Variants in RNF126 observed in about 807,000 individuals in gnomAD.
RNF126 encodes the protein E3 ubiquitin-protein ligase RNF126.
A neutral mutation model predicts 41.9 loss-of-function variants in RNF126; 20 were observed. The ratio of observed to expected loss-of-function variants is 0.48; its 90% CI spans 0.34 to 0.69. RNF126 has a LOEUF of 0.69. RNF126 is among the 30% of genes least tolerant of loss of function. The pLI is 0.01. For synonymous variants in RNF126, 239 were observed against 202.9 expected (o/e 1.18, Z -1.51); for missense variants, 433 against 460.6 (o/e 0.94, Z 0.55).
In RNF126 at chr19:652,606, G is replaced by A. The variant is rs141130751; in HGVS notation, c.134+220C>T. On this transcript the variant is annotated intron_variant, in intron 2 of 8. Transcript: ENST00000292363. ...GCCGCCGAGGCTGAGGGAGGTGAGC[G>A]GCTGCACAGGTTGCCGGCACTCCCC... The A allele has an allele frequency of 1.6e-3, 974 of 609,938 alleles. 3 individuals are homozygous for A. The highest frequency in any genetic ancestry group is 1.4e-3 in the Non-Finnish European group (490 of 345,540). The allele number at this position is 609,938 out of a possible 1,614,324, so 37.8% of individuals were successfully genotyped here. A position where few individuals can be genotyped will look rare whatever the true frequency, so the allele number is the denominator to read the frequency against.
In RNF126 at chr19:648,394, C is replaced by T. The variant is rs2030081224; in HGVS notation, c.764G>A (p.Cys255Tyr). 1.3e-6 allele frequency: 2 copies of T among 1,562,822 alleles called. No homozygotes were observed. Among genetic ancestry groups the T allele is most frequent in the Admixed American group, 1.8e-5 (1 of 54,674 alleles). Residue 255 changes from cysteine (C) to tyrosine (Y), a missense_variant, in exon 8 of 9, where the codon TGC becomes TAC. Around this residue, in one of 5 missense-constraint regions of RNF126, gnomAD observed 97 missense variants for 121.7 expected, o/e 0.80. Transcript: ENST00000292363. The stretch of plus-strand genomic sequence containing the variant: ...CACCTGCTCCAGCCAGGGCACGATG[C>T]AGCCGTCGTGGAACAGGTGGTTGCA... Reference protein sequence around the residue: ...LPCNHLFHDGCIVPWLEQHDS... With the variant: ...LPCNHLFHDGYIVPWLEQHDS...
At chr19:649,135 A>ACGCGGCCCCCC (rs2030128942) in intron 6 of RNF126, 160 bp from the exon 7 acceptor site, 1 of 300,618 alleles carries the variant, frequency 3.3e-6, no homozygotes, top group Admixed American at 5.0e-5. Flanking sequence ...TGTGGAGCCC[A>ACGCGGCCCCCC]CGCGGCCCCC....
In RNF126 at chr19:648,352, C is replaced by CGGGG; in HGVS notation, c.786+19_786+20insCCCC. On this transcript the variant is annotated intron_variant, in intron 8 of 8. Coordinates refer to ENST00000292363, the MANE Select transcript of RNF126 (RefSeq NM_194460.3). ...GAGGGCCGCGGTCGGGGTGGGGGGG[C>CGGGG]GGGTGGGCGGGGCACTCACCTGCTC... 1.9e-6 allele frequency: 2 copies of CGGGG among 1,025,996 alleles called. No individual in the cohort carries two copies. The highest frequency in any genetic ancestry group is 2.4e-6 in the Non-Finnish European group (2 of 821,770). 63.6% of individuals were successfully genotyped at this position (1,025,996 alleles called of 1,614,324 possible).
In RNF126 at chr19:648,143, G is replaced by C. The variant is rs2030053379; in HGVS notation, c.921C>G (p.Ala307=). 1 of 1,594,936 alleles carries C rather than the reference G, an allele frequency of 6.3e-7. No homozygotes were observed. Among genetic ancestry groups the C allele is most frequent in the African/African-American group, 1.3e-5 (1 of 74,742 alleles). ...CGACGTGGGCTCACGAGTTGCTTGT[G>C]GCGTTCTCGTTGCTGGGCGAGCTGG... is the stretch of plus-strand genomic sequence containing the variant. ...SSSSSPSNEN[A]TSNS The change falls in exon 9 of 9, where the codon GCC becomes GCG. Residue 307 remains alanine (A), a synonymous_variant. Transcript: ENST00000292363.
chr19:649,666 G>A lies in RNF126; in HGVS notation c.576+13C>T. The A allele has an allele frequency of 1.3e-6, 2 of 1,556,260 alleles. No individual in the cohort carries two copies. The highest frequency in any genetic ancestry group is 1.7e-6 in the Non-Finnish European group (2 of 1,148,776). ...TCCCCCAGCAGGCACTCTGGGCCGT[G>A]GCCACGCTGTACCTGTGTGATGATG... On this transcript the variant is annotated intron_variant, in intron 6 of 8. Coordinates refer to ENST00000292363, the MANE Select transcript of RNF126 (RefSeq NM_194460.3).
At position 663,062 on chromosome 19, in the gene RNF126, G is replaced by T; in HGVS notation, c.60C>A (p.Ile20=). The T allele has an allele frequency of 7.3e-7, 1 of 1,377,996 alleles. No homozygotes were observed. The highest frequency in any genetic ancestry group is 9.4e-7 in the Non-Finnish European group (1 of 1,060,872). The allele number at this position is 1,377,996 out of a possible 1,614,324, so 85.4% of individuals were successfully genotyped here. A position where few individuals can be genotyped will look rare whatever the true frequency, so the allele number is the denominator to read the frequency against. Residue 20 remains isoleucine (I), a synonymous_variant, in exon 1 of 9, where the codon ATC becomes ATA. Coordinates refer to ENST00000292363, the MANE Select transcript of RNF126 (RefSeq NM_194460.3). ...RYFCHCCSVE[I]VPRLPDYICP... Reference sequence around the variant, plus strand: ...CGGGCCTCACCGGCAGGCGCGGGACGATCTCCACGGAGCAGCAGTGGCAGA... The same window carrying T: ...CGGGCCTCACCGGCAGGCGCGGGACTATCTCCACGGAGCAGCAGTGGCAGA...
chr19:649,845 C>T (rs1206839170), intron 5 of RNF126, 97 bp from the exon 6 acceptor site: 1 of 891,714 alleles, frequency 1.1e-6, no homozygotes. Context: ...GGGATGGGGA[C>T]AGGCACCCCC....
chr19:650,169 G>A, intron 5 of RNF126, 65 bp downstream of exon 5: 1 of 1,367,042 alleles, frequency 7.3e-7, no homozygotes, highest in East Asian at 2.5e-5. Context: ...GATGGGGACA[G>A]GCACCCCCAC....
chr19:655,951 C>T (rs999144669), intron 1 of RNF126, among the ~76,000 whole-genome samples: 3 of 151,974 alleles, frequency 2.0e-5, no homozygotes, highest in Admixed American at 1.3e-4. Flanking sequence ...GAAGACCACG[C>T]AGCGTGTGAT....
Position 649,763 on chromosome 19 carries a change from TG to T in RNF126, c.507-16del. On this transcript the variant is annotated splice_polypyrimidine_tract_variant and intron_variant, in intron 5 of 8. Coordinates refer to ENST00000292363, the MANE Select transcript of RNF126 (RefSeq NM_194460.3). Reference sequence around the variant, plus strand: ...GCAGGACTCCCCTGGAGGTGGAAGGTGGGGTTCAAGTGGCTGACGGGCAGCT... The same window carrying T: ...GCAGGACTCCCCTGGAGGTGGAAGGTGGGTTCAAGTGGCTGACGGGCAGCT... 1 of 1,557,644 alleles carries T rather than the reference TG, an allele frequency of 6.4e-7. No individual in the cohort carries two copies. Among genetic ancestry groups the T allele is most frequent in the Non-Finnish European group, 8.7e-7 (1 of 1,149,468 alleles).
In RNF126 at chr19:659,975, G is replaced by A. The variant is rs757072643; in HGVS notation, c.75+3072C>T. Among the ~76,000 whole-genome samples, 1 of 152,154 alleles carries A rather than the reference G, an allele frequency of 6.6e-6. No individual in the cohort carries two copies. Among genetic ancestry groups the A allele is most frequent in the Non-Finnish European group, 1.5e-5 (1 of 68,018 alleles). On this transcript the variant is annotated intron_variant, in intron 1 of 8. Coordinates refer to ENST00000292363, the MANE Select transcript of RNF126 (RefSeq NM_194460.3). The surrounding 1 kb of genome is among the most constrained non-coding windows in gnomAD (Gnocchi z 4.9). ...GGATGGGGTTTTACCATGTTAGCCA[G>A]GCTGGTCTCGAACTCCTGACCTCAG...
chr19:652,724 C>T (rs763752845), intron 2 of RNF126, 102 bp downstream of exon 2: 779 of 1,045,888 alleles, frequency 7.4e-4, no homozygotes, highest in Non-Finnish European at 1.0e-3. Context: ...CAGGGCCTGA[C>T]GGCCCCACAC....
chr19:652,740 G>GA, intron 2 of RNF126, 86 bp downstream of exon 2: 2 of 1,288,280 alleles, frequency 1.6e-6, no homozygotes, highest in South Asian at 2.4e-5. Flanking sequence ...CACACTCGGC[G>GA]GGGCGGACGC....
At position 659,075 on chromosome 19, in the gene RNF126, C is replaced by T. The variant is rs770112242; in HGVS notation, c.75+3972G>A. Among the ~76,000 whole-genome samples the T allele has an allele frequency of 1.3e-4, 20 of 152,322 alleles. No individual in the cohort carries two copies. Among genetic ancestry groups the T allele is most frequent in the Non-Finnish European group, 2.5e-4 (17 of 68,022 alleles). On this transcript the variant is annotated intron_variant, in intron 1 of 8. Coordinates refer to ENST00000292363, the MANE Select transcript of RNF126 (RefSeq NM_194460.3). The surrounding 1 kb of genome is among the most constrained non-coding windows in gnomAD (Gnocchi z 4.9). ...ACAGGGTGCTGCAGGGAGCCCGTTC[C>T]GGAGAACCCAGCTGTGCAGAGCCGC...
intron 1 of RNF126, among the ~76,000 whole-genome samples, chr19:662,459 G>A (rs1250993975): frequency 1.3e-5 from 2 of 152,150 alleles, no homozygotes; most frequent in Non-Finnish European, 2.9e-5. Context: ...GGCGGGCCGC[G>A]GTCGGACCCC....
chr19:652,476 C>T (rs945008775), intron 2 of RNF126, 180 bp from the exon 3 acceptor site: 73 of 623,652 alleles, frequency 1.2e-4, no homozygotes, highest in Middle Eastern at 7.7e-4. Context: ...CAGTAAACCA[C>T]GGGTTTCTCG....
rs1022515325 is a variant in RNF126, at chr19:659,357, C to G, written c.75+3690G>C. On this transcript the variant is annotated intron_variant, in intron 1 of 8. Transcript: ENST00000292363. This position sits in a 1 kb window ranked among gnomAD's most constrained non-coding sequence, Gnocchi z 4.9. ...CTTCCTGGTGGCTCCCCGCCCACGCCGGCTCTTCCCCGCCACCGTGGGCGG... is the reference window on the plus strand; with the variant it reads ...CTTCCTGGTGGCTCCCCGCCCACGCGGGCTCTTCCCCGCCACCGTGGGCGG... Among the ~76,000 whole-genome samples, 4 of 152,142 alleles carry G rather than the reference C, an allele frequency of 2.6e-5. No homozygotes were observed. The highest frequency in any genetic ancestry group is 2.1e-4 in the South Asian group (1 of 4,834).
chr19:651,978 A>T, intron 3 of RNF126, 123 bp from the exon 4 acceptor site: 1 of 889,838 alleles, frequency 1.1e-6, no homozygotes, highest in Non-Finnish European at 1.7e-6. Flanking sequence ...TGGGAGGGAG[A>T]CGCAGACAGG....
At chr19:649,349 A>G in intron 6 of RNF126, 1 of 373,852 alleles carries the variant, frequency 2.7e-6, no homozygotes, top group South Asian at 5.1e-5. Flanking sequence ...AGCAAGGCTG[A>G]GACGGGTGGC....
Sources: allele counts gnomAD v4.1 joint callset (sites outside exome capture counted in the v4.1 genomes callset), GRCh38; gene constraint gnomAD v4.1.1; regional missense constraint gnomAD v4.1.1; non-coding constraint Gnocchi (gnomAD v3.1); transcripts MANE v1.5; gene names NCBI Gene and HGNC (gene_info 2026-07-23, HGNC 2026-07-21).